The following INPP5D variants were observed in gnomAD, a reference collection of about 807,000 sequenced individuals.
INPP5D encodes phosphatidylinositol 3,4,5-trisphosphate 5-phosphatase 1.
INPP5D carries 33 observed loss-of-function variants against 122.9 expected under a neutral mutation model. The observed-to-expected ratio is 0.27, with a 90% CI of 0.20 to 0.36. INPP5D has a LOEUF of 0.36. INPP5D is among the 10% of genes least tolerant of loss of function. The pLI, the probability that INPP5D is intolerant of heterozygous loss-of-function variation, is 1.00. For synonymous variants in INPP5D, 584 were observed against 576.2 expected (o/e 1.01, Z -0.19); for missense variants, 1,053 against 1,412.7 (o/e 0.75, Z 4.08).
At chr2:233,123,512 T>C (rs1488413657) in intron 3 of INPP5D, among the ~76,000 whole-genome samples, 1 of 152,028 alleles carries the variant, frequency 6.6e-6, no homozygotes, top group Non-Finnish European at 1.5e-5. Flanking sequence ...GGGTGCCCTT[T>C]ACAGCATAGG....
intron 17 of INPP5D, among the ~76,000 whole-genome samples, chr2:233,175,356 G>A (rs143649567): frequency 4.0e-5 from 6 of 151,580 alleles, no homozygotes; most frequent in Admixed American, 6.6e-5. Context: ...TATAAGCAAC[G>A]AAGTGGCTGA....
rs181596011 is a variant in INPP5D at position 233,189,006 on chromosome 2, C to T, written c.2359-844C>T. Among the ~76,000 whole-genome samples the T allele has an allele frequency of 1.8e-4, 28 of 152,322 alleles. No homozygotes were observed. Among genetic ancestry groups the T allele is most frequent in the African/African-American group, 6.7e-4 (28 of 41,570 alleles). ...AGTATCACCTTTTTATTTGGCCCTT[C>T]TGTATGGGAGTCATCGTGAGAAACA... is the stretch of plus-strand genomic sequence containing the variant. On this transcript the variant is annotated intron_variant, in intron 21 of 26. Transcript: ENST00000445964. The surrounding 1 kb of genome is among the most constrained non-coding windows in gnomAD (Gnocchi z 5.6).
intron 9 of INPP5D, among the ~76,000 whole-genome samples, chr2:233,155,018 C>T (rs1694010169): frequency 6.6e-6 from 1 of 152,092 alleles, no homozygotes. Context: ...GCCACTGCAC[C>T]CAGCCTTGGA....
chr2:233,062,078 CG>C (rs1691092847), intron 1 of INPP5D, among the ~76,000 whole-genome samples: 2 of 152,206 alleles, frequency 1.3e-5, no homozygotes, highest in South Asian at 4.1e-4. Context: ...CTGCTGCTGC[CG>C]GGGCCTTAGA....
At chr2:233,153,871 C>T (rs1017564409) in intron 9 of INPP5D, among the ~76,000 whole-genome samples, 2 of 152,220 alleles carry the variant, frequency 1.3e-5, no homozygotes, top group African/African-American at 2.4e-5. Context: ...TTCTTCCCTG[C>T]CCAGCTCCCA....
In INPP5D at chr2:233,197,962, C is replaced by A; in HGVS notation, c.2694-133C>A. The A allele has an allele frequency of 1.5e-6, 2 of 1,314,958 alleles. No homozygotes were observed. Among genetic ancestry groups the A allele is most frequent in the South Asian group, 3.6e-5 (2 of 55,910 alleles). The allele number at this position is 1,314,958 out of a possible 1,614,324, so 81.5% of individuals were successfully genotyped here. Reference sequence around the variant, plus strand: ...GATAGATGAATGAATGAATGGATCACTGCCCAAGAGGTGAAGGAGTTGAGG... The same window carrying A: ...GATAGATGAATGAATGAATGGATCAATGCCCAAGAGGTGAAGGAGTTGAGG... On this transcript the variant is annotated intron_variant, in intron 24 of 26. Transcript: ENST00000445964. This position sits in a 1 kb window ranked among gnomAD's most constrained non-coding sequence, Gnocchi z 4.4.
chr2:233,150,730 G>T, intron 9 of INPP5D, among the ~76,000 whole-genome samples: 1 of 152,202 alleles, frequency 6.6e-6, no homozygotes, highest in Non-Finnish European at 1.5e-5. Flanking sequence ...ATTTGCTGTG[G>T]AGAAGGGAAC....
At chr2:233,077,619 C>T (rs1311897495) in intron 1 of INPP5D, among the ~76,000 whole-genome samples, 3 of 134,810 alleles carry the variant, frequency 2.2e-5, no homozygotes, top group Non-Finnish European at 4.6e-5. Flanking sequence ...AGATTGCGTG[C>T]CATTGCACTC....
At chr2:233,088,280 C>A (rs2106219360) in intron 2 of INPP5D, among the ~76,000 whole-genome samples, 1 of 152,280 alleles carries the variant, frequency 6.6e-6, no homozygotes, top group African/African-American at 2.4e-5. Context: ...CGCCAAGGTT[C>A]TCATTTTGTT....
At chr2:233,114,524 G>C (rs577409271) in intron 2 of INPP5D, among the ~76,000 whole-genome samples, 1 of 152,158 alleles carries the variant, frequency 6.6e-6, no homozygotes, top group Admixed American at 6.5e-5. Flanking sequence ...CAGGGCAAAC[G>C]CGGCAGGAGG....
At chr2:233,185,138 G>A (rs984425730) in intron 20 of INPP5D, among the ~76,000 whole-genome samples, 5 of 151,994 alleles carry the variant, frequency 3.3e-5, no homozygotes, top group South Asian at 2.1e-4. Context: ...AGCCGTCTTC[G>A]CTGAGATGGT....
intron 3 of INPP5D, among the ~76,000 whole-genome samples, chr2:233,123,279 C>A (rs1399527138): frequency 6.6e-6 from 1 of 152,020 alleles, no homozygotes; most frequent in Non-Finnish European, 1.5e-5. Context: ...CATGGCGAAA[C>A]CTTATCTCTA....
At chr2:233,169,972 G>A (rs759855893) in intron 14 of INPP5D, 54 bp from the exon 15 acceptor site, 4 of 1,611,206 alleles carry the variant, frequency 2.5e-6, no homozygotes, top group Middle Eastern at 1.6e-4. Context: ...TCCTGCCACA[G>A]TGGAGGGGGA....
intron 1 of INPP5D, among the ~76,000 whole-genome samples, chr2:233,068,593 T>TA (rs532505071): frequency 0.054 from 8,047 of 148,162 alleles, 551 homozygotes; most frequent in African/African-American, 0.16. Context: ...AGAATCCGTC[T>TA]AAAAAAAAAA....
At chr2:233,163,316 A>G (rs888749668) in intron 11 of INPP5D, among the ~76,000 whole-genome samples, 5 of 152,302 alleles carry the variant, frequency 3.3e-5, no homozygotes, top group Non-Finnish European at 5.9e-5. Context: ...TTGTCTCCCA[A>G]CAATGGGTTA....
chr2:233,204,784 GTACCTATGCA>G (rs746133425), intron 26 of INPP5D, 67 bp downstream of exon 26: 38 of 1,441,398 alleles, frequency 2.6e-5, no homozygotes, highest in Admixed American at 1.3e-4. Context: ...GCGTATGTGT[GTACCTATGCA>G]TATGTGTGTG....
chr2:233,110,936 AC>A lies in INPP5D; in HGVS notation c.199-11170del, dbSNP rs199856041. The stretch of plus-strand genomic sequence containing the variant: ...CGAGACTCCGTCTCTTAAAAAAAAA[AC>A]AACAAAAAAAAAAAACTGTTGCTTC... On this transcript the variant is annotated intron_variant, in intron 2 of 26. Coordinates refer to ENST00000445964, the MANE Select transcript of INPP5D (RefSeq NM_001017915.3). 1.3e-3 allele frequency among the ~76,000 whole-genome samples: 163 copies of A among 128,934 alleles called. 1 individual carries two copies. The highest frequency in any genetic ancestry group is 7.7e-3 in the Middle Eastern group (2 of 260). The allele number at this position is 128,934 out of a possible 152,430, so 84.6% of individuals were successfully genotyped here. A position where few individuals can be genotyped will look rare whatever the true frequency, so the allele number is the denominator to read the frequency against.
chr2:233,093,496 C>T (rs1450357636), intron 2 of INPP5D, among the ~76,000 whole-genome samples: 1 of 151,932 alleles, frequency 6.6e-6, no homozygotes, highest in African/African-American at 2.4e-5. Flanking sequence ...GCCTGGCCAA[C>T]ATGGTGAAAC....
At chr2:233,083,728 CTGCAAGCCGCCCTCA>C (rs2106214067) in intron 2 of INPP5D, among the ~76,000 whole-genome samples, 1 of 152,324 alleles carries the variant, frequency 6.6e-6, no homozygotes, top group South Asian at 2.1e-4. Flanking sequence ...GTCTGAGGTC[CTGCAAGCCGCCCTCA>C]TGGGCCAGCT....
Sources: allele counts gnomAD v4.1 joint callset (sites outside exome capture counted in the v4.1 genomes callset), GRCh38; gene constraint gnomAD v4.1.1; non-coding constraint Gnocchi (gnomAD v3.1); transcripts MANE v1.5; gene names NCBI Gene and HGNC (gene_info 2026-07-23, HGNC 2026-07-21).